The following MAGOHB variants were observed in gnomAD, a reference collection of about 807,000 sequenced individuals.
MAGOHB encodes mago homolog B, exon junction complex subunit, also known as protein mago nashi homolog 2.
In MAGOHB, 15 loss-of-function variants were observed where a neutral mutation model predicts 20.9. The ratio of observed to expected loss-of-function variants is 0.72; its 90% confidence interval spans 0.48 to 1.11. The LOEUF (loss-of-function observed/expected upper bound fraction) is 1.11, where lower values mean the gene tolerates loss of function less well. Ranked by LOEUF, MAGOHB falls within the 50% of genes least tolerant of loss-of-function variation. The probability of loss-of-function intolerance (pLI) is 0.00; values close to 1 mark genes in which losing one functional copy is unlikely to be tolerated. For synonymous variants in MAGOHB, 50 were observed against 57.9 expected (o/e 0.86, Z 0.62); for missense variants, 162 against 177.6 (o/e 0.91, Z 0.50).
intron 3 of MAGOHB, chr12:10,608,370 T>A (rs1024122822): frequency 6.4e-6 from 1 of 155,336 alleles, no homozygotes. Context: ...CACCACCACT[T>A]TAGCACCTAC....
At chr12:10,612,185 CAA>C (rs758237538) in intron 1 of MAGOHB, among the ~76,000 whole-genome samples, 1 of 141,728 alleles carries the variant, frequency 7.1e-6, no homozygotes, top group Non-Finnish European at 1.5e-5. Flanking sequence ...CCCATCTCTA[CAA>C]AAAATAACAT....
At chr12:10,612,399 AAATAAT>A (rs3059684) in intron 1 of MAGOHB, among the ~76,000 whole-genome samples, 101,976 of 150,614 alleles carry the variant, frequency 0.68, 35,976 homozygotes, top group East Asian at 0.99. Context: ...CCTTGTTTCA[AAATAAT>A]AATAATAATA....
chr12:10,599,731 G>A (rs758468611), downstream of MAGOHB: 2 of 140,426 alleles, frequency 1.4e-5, no homozygotes, highest in Non-Finnish European at 2.9e-5. Flanking sequence ...TGGTACTGAC[G>A]GGAAAGGAAA....
downstream of MAGOHB, among the ~76,000 whole-genome samples, chr12:10,603,394 C>CA (rs1865573983): frequency 6.6e-6 from 1 of 150,756 alleles, no homozygotes; most frequent in Admixed American, 6.6e-5. Flanking sequence ...CTTGTCTTTA[C>CA]AGTAAAATAC....
chr12:10,602,596 T>C (rs1179734085), downstream of MAGOHB, among the ~76,000 whole-genome samples: 2 of 152,192 alleles, frequency 1.3e-5, no homozygotes, highest in African/African-American at 4.8e-5. Context: ...AGAAGAGAAA[T>C]ATACAGAGTT....
At position 10,613,316 on chromosome 12, in the gene MAGOHB, A is replaced by C. The variant is rs530722076; in HGVS notation, c.94+123T>G. On this transcript the variant is annotated intron_variant, in intron 1 of 4. Coordinates refer to ENST00000320756, the MANE Select transcript of MAGOHB (RefSeq NM_018048.5). ...TATAAAACCAACTTATGCCTCCTCT[A>C]TTCTTAAGCTCCTATTTCCTTCGAG... The C allele has an allele frequency of 3.5e-5, 29 of 829,078 alleles. No individual in the cohort carries two copies. In the South Asian group the frequency reaches 3.9e-4, roughly 11 times the overall value. The allele number at this position is 829,078 out of a possible 1,614,324, so 51.4% of individuals were successfully genotyped here.
chr12:10,600,740 T>C (rs1021413568), downstream of MAGOHB, among the ~76,000 whole-genome samples: 4 of 152,202 alleles, frequency 2.6e-5, no homozygotes, highest in South Asian at 2.1e-4. Context: ...AGATCTCTCA[T>C]TGACTTCCAC....
At chr12:10,611,012 T>TC (rs1865724838) in intron 1 of MAGOHB, among the ~76,000 whole-genome samples, 1 of 152,218 alleles carries the variant, frequency 6.6e-6, no homozygotes, top group Non-Finnish European at 1.5e-5. Flanking sequence ...TATGTCTGTA[T>TC]CGGTGCTAAG....
downstream of MAGOHB, among the ~76,000 whole-genome samples, chr12:10,602,914 A>C (rs898191185): frequency 5.3e-5 from 8 of 152,088 alleles, no homozygotes; most frequent in South Asian, 4.1e-4. Context: ...TGTCTGGAAA[A>C]ACCCCTAGCA....
At chr12:10,610,739 T>A in intron 1 of MAGOHB, 59 bp from the exon 2 acceptor site, 1 of 1,482,858 alleles carries the variant, frequency 6.7e-7, no homozygotes, top group East Asian at 2.4e-5. Flanking sequence ...AAAATTAACA[T>A]CATATACAAT....
intron 4 of MAGOHB, among the ~76,000 whole-genome samples, chr12:10,607,011 A>C (rs1865640694): frequency 6.6e-6 from 1 of 152,180 alleles, no homozygotes; most frequent in African/African-American, 2.4e-5. Context: ...TCCAAAAACC[A>C]TTACCAATTT....
At chr12:10,601,836 A>T (rs1455685938), downstream of MAGOHB, among the ~76,000 whole-genome samples, 8 of 152,232 alleles carry the variant, frequency 5.3e-5, no homozygotes, top group African/African-American at 1.7e-4. Context: ...TAAATTTAGC[A>T]CTACAGACAG....
chr12:10,612,943 T>G, intron 1 of MAGOHB: 1 of 1,289,226 alleles, frequency 7.8e-7, no homozygotes, highest in Non-Finnish European at 1.0e-6. Context: ...TGTGGAACTT[T>G]ACCTCTCCCC....
chr12:10,611,384 G>A (rs1199059427), intron 1 of MAGOHB, among the ~76,000 whole-genome samples: 1 of 152,026 alleles, frequency 6.6e-6, no homozygotes, highest in African/African-American at 2.4e-5. Context: ...TTCCCCTTAT[G>A]GCTAGTCAGT....
intron 2 of MAGOHB, 130 bp from the exon 3 acceptor site, chr12:10,610,071 G>C (rs1015532868): frequency 5.4e-6 from 3 of 559,904 alleles, no homozygotes; most frequent in Non-Finnish European, 6.2e-6. Context: ...TCCAAAAGTA[G>C]AGGAGACAGA....
chr12:10,602,272 A>C (rs1865560868), downstream of MAGOHB, among the ~76,000 whole-genome samples: 1 of 152,252 alleles, frequency 6.6e-6, no homozygotes, highest in African/African-American at 2.4e-5. Context: ...TGATGCCTAC[A>C]AGTGCACCTC....
chr12:10,611,096 T>G (rs1591665474), intron 1 of MAGOHB, among the ~76,000 whole-genome samples: 1 of 152,168 alleles, frequency 6.6e-6, no homozygotes, highest in African/African-American at 2.4e-5. Context: ...CACCTATTCA[T>G]AGGAGAGAAA....
At position 10,605,625 on chromosome 12, in the gene MAGOHB, C is replaced by A. The variant is rs73257964; in HGVS notation, c.*650G>T. On this transcript the variant is annotated 3_prime_UTR_variant, in exon 5 of 5. Coordinates refer to ENST00000320756, the MANE Select transcript of MAGOHB (RefSeq NM_018048.5). Reference sequence around the variant, plus strand: ...GCTGAAAACTCATTTAGTTCTCCCCCCTCCCCTACACACCAAATACATTGT... The same window carrying A: ...GCTGAAAACTCATTTAGTTCTCCCCACTCCCCTACACACCAAATACATTGT... The A allele has an allele frequency of 6.6e-6, 1 of 152,048 alleles. No homozygotes were observed. The highest frequency in any genetic ancestry group is 1.5e-5 in the Non-Finnish European group (1 of 67,998). The allele number at this position is 152,048 out of a possible 1,614,324, so 9.4% of individuals were successfully genotyped here.
chr12:10,601,257 A>T (rs1865552239), downstream of MAGOHB, among the ~76,000 whole-genome samples: 2 of 145,532 alleles, frequency 1.4e-5, no homozygotes, highest in South Asian at 4.6e-4. Flanking sequence ...TTGTGCATAT[A>T]ACCATATTAA....
Sources: allele counts gnomAD v4.1 joint callset (sites outside exome capture counted in the v4.1 genomes callset), GRCh38; gene constraint gnomAD v4.1.1; transcripts MANE v1.5; gene names NCBI Gene and HGNC (gene_info 2026-07-23, HGNC 2026-07-21).